Variants in KATNAL2 observed in about 807,000 individuals in gnomAD.
KATNAL2 encodes the protein katanin p60 ATPase-containing subunit A-like 2.
KATNAL2 carries 52 observed loss-of-function variants against 76.3 expected under a neutral mutation model. That is an observed-to-expected ratio of 0.68 (90% CI 0.55 to 0.86). The LOEUF is 0.86. KATNAL2 is among the 40% of genes least tolerant of loss of function. KATNAL2 has a pLI of 0.00. For missense variants in KATNAL2, 660 were observed against 668.9 expected, an observed-to-expected ratio of 0.99 and a Z score of 0.15; for synonymous variants, 243 against 244.2, an observed-to-expected ratio of 1.00 and a Z score of 0.05.
At chr18:47,098,810 T>C (rs1318337391) in intron 15 of KATNAL2, 2 of 162,390 alleles carry the variant, frequency 1.2e-5, no homozygotes, top group Admixed American at 1.2e-4. Context: ...GTGCCCAACT[T>C]ATTGTCAGCA....
At chr18:47,045,175 G>A (rs901340567) in intron 3 of KATNAL2, among the ~76,000 whole-genome samples, 10 of 151,598 alleles carry the variant, frequency 6.6e-5, no homozygotes, top group Admixed American at 6.6e-4. Context: ...CAATAAAAAA[G>A]CAACTTAGAA....
intron 3 of KATNAL2, chr18:47,033,921 G>A (rs771676661): frequency 5.6e-6 from 9 of 1,613,018 alleles, no homozygotes; most frequent in South Asian, 1.1e-5. Context: ...TCGGCCCGGC[G>A]GAATCAGCGC....
At chr18:46,942,931 G>A (rs967914832) in intron 1 of KATNAL2, among the ~76,000 whole-genome samples, 12 of 151,878 alleles carry the variant, frequency 7.9e-5, no homozygotes, top group Non-Finnish European at 1.5e-5. Flanking sequence ...AAGAATGCCG[G>A]GTTTTATTTT....
intron 1 of KATNAL2, among the ~76,000 whole-genome samples, chr18:46,933,297 G>T (rs143667246): frequency 1.3e-5 from 2 of 152,134 alleles, no homozygotes; most frequent in South Asian, 4.1e-4. Flanking sequence ...TTTTCTGAAG[G>T]AATTTACCAA....
chr18:47,049,465 T>TA (rs1369485120), intron 4 of KATNAL2, among the ~76,000 whole-genome samples: 1 of 152,212 alleles, frequency 6.6e-6, no homozygotes, highest in African/African-American at 2.4e-5. Flanking sequence ...AACCCTGAGT[T>TA]AAAATACCTC....
At chr18:46,920,004 C>T (rs2058444183) in intron 1 of KATNAL2, 3 of 1,213,886 alleles carry the variant, frequency 2.5e-6, no homozygotes, top group African/African-American at 1.6e-5. Context: ...ATAAAGAGGA[C>T]CAACATAAAC....
chr18:46,947,028 C>A (rs187086995), intron 3 of KATNAL2, 105 bp downstream of exon 3: 1 of 846,398 alleles, frequency 1.2e-6, no homozygotes, highest in Non-Finnish European at 1.9e-6. Context: ...GAGTCCGCTA[C>A]TAGAGAAGCG....
rs1330000683 is a variant in KATNAL2, at chr18:46,946,909, CA to C, written c.38del (p.Gln13ArgfsTer8). On this transcript the variant is annotated frameshift_variant, in exon 3 of 18. Transcript: ENST00000683218. LOFTEE classifies it high-confidence loss of function. ...CTACCAGACCCTGAAATTCACGCATCAGGCGCGGGAAGCGGTAAGGAACGCA... is the reference window on the plus strand; with the variant it reads ...CTACCAGACCCTGAAATTCACGCATCGGCGCGGGAAGCGGTAAGGAACGCA... ...LSYQTLKFTH[Q>X]AREACEMRTE... 3 of 1,534,104 alleles carry C rather than the reference CA, an allele frequency of 2.0e-6. No homozygotes were observed. Among genetic ancestry groups the C allele is most frequent in the Non-Finnish European group, 2.6e-6 (3 of 1,145,062 alleles).
intron 15 of KATNAL2, chr18:47,084,510 A>G: frequency 1.5e-6 from 1 of 648,882 alleles, no homozygotes; most frequent in East Asian, 2.7e-5. Flanking sequence ...CAAGTTAAAG[A>G]CAGTTCAACT....
At chr18:46,928,279 C>T (rs1287080174) in intron 1 of KATNAL2, among the ~76,000 whole-genome samples, 1 of 152,064 alleles carries the variant, frequency 6.6e-6, no homozygotes, top group Non-Finnish European at 1.5e-5. Context: ...GATGTCCTTT[C>T]TGTTTGTTAG....
chr18:47,099,208 A>G, intron 15 of KATNAL2, 35 bp from the exon 16 acceptor site: 2 of 1,568,518 alleles, frequency 1.3e-6, no homozygotes, highest in Non-Finnish European at 1.7e-6. Flanking sequence ...GTGTGTTTGC[A>G]GCCCTGTCCA....
At chr18:46,961,027 A>C (rs1413927057) in intron 3 of KATNAL2, among the ~76,000 whole-genome samples, 1 of 152,242 alleles carries the variant, frequency 6.6e-6, no homozygotes, top group Non-Finnish European at 1.5e-5. Context: ...GATCAAGCAA[A>C]CATGGGGGAC....
intron 10 of KATNAL2, among the ~76,000 whole-genome samples, chr18:47,064,040 A>G (rs2061714341): frequency 6.6e-6 from 1 of 152,174 alleles, no homozygotes; most frequent in Non-Finnish European, 1.5e-5. Flanking sequence ...GGGGTTTAAA[A>G]TGATCCCCAA....
chr18:47,059,238 CT>C (rs1189995459), intron 7 of KATNAL2, among the ~76,000 whole-genome samples: 1 of 152,136 alleles, frequency 6.6e-6, no homozygotes, highest in Non-Finnish European at 1.5e-5. Context: ...AAAAACACCC[CT>C]GATCACAGGA....
intron 13 of KATNAL2, among the ~76,000 whole-genome samples, chr18:47,073,188 A>G (rs1403981624): frequency 6.6e-6 from 1 of 152,188 alleles, no homozygotes; most frequent in Non-Finnish European, 1.5e-5. Context: ...TTTAAAATAA[A>G]CATTTGTCAA....
intron 3 of KATNAL2, among the ~76,000 whole-genome samples, chr18:47,031,334 T>C (rs2043402773): frequency 6.6e-6 from 1 of 152,118 alleles, no homozygotes; most frequent in Admixed American, 6.5e-5. Flanking sequence ...TTGAAATATG[T>C]ATGTTTTCGG....
chr18:47,097,272 A>C (rs2147417074), intron 15 of KATNAL2, among the ~76,000 whole-genome samples: 1 of 152,328 alleles, frequency 6.6e-6, no homozygotes, highest in African/African-American at 2.4e-5. Flanking sequence ...GGGTATTCCT[A>C]TGGTGTCAAA....
intron 13 of KATNAL2, among the ~76,000 whole-genome samples, chr18:47,072,337 C>G (rs1162373947): frequency 6.6e-6 from 1 of 152,182 alleles, no homozygotes; most frequent in Non-Finnish European, 1.5e-5. Context: ...CTCCTGAGCC[C>G]TCTCTGCAGA....
intron 1 of KATNAL2, among the ~76,000 whole-genome samples, chr18:46,925,715 G>A (rs2058707202): frequency 6.6e-6 from 1 of 152,084 alleles, no homozygotes; most frequent in South Asian, 2.1e-4. Context: ...TGTGGTCCTG[G>A]ACTTTTTTTT....
Sources: allele counts gnomAD v4.1 joint callset (sites outside exome capture counted in the v4.1 genomes callset), GRCh38; gene constraint gnomAD v4.1.1; transcripts MANE v1.5; gene names NCBI Gene and HGNC (gene_info 2026-07-23, HGNC 2026-07-21).